Variants in PDE1C observed in about 807,000 individuals in gnomAD.
PDE1C encodes the protein phosphodiesterase 1C.
A neutral mutation model predicts 93.1 loss-of-function variants in PDE1C; 62 were observed. The observed-to-expected ratio is 0.67, with a 90% confidence interval of 0.54 to 0.82. PDE1C has a LOEUF of 0.82. Among genes scored for constraint, PDE1C ranks in the 40% least tolerant of loss-of-function variants. PDE1C has a pLI of 0.00. For synonymous variants in PDE1C, 325 were observed against 310.1 expected (o/e 1.05, Z -0.50); for missense variants, 742 against 884.6 (o/e 0.84, Z 2.04).
intron 12 of PDE1C, among the ~76,000 whole-genome samples, chr7:31,825,698 GATAA>G: frequency 5.3e-5 from 8 of 152,242 alleles, no homozygotes; most frequent in African/African-American, 1.9e-4. Context: ...TTAAACAAAA[GATAA>G]AGAAGGCTGG....
chr7:32,399,600 T>TTTC (rs61586617), intron 1 of PDE1C, among the ~76,000 whole-genome samples: 1 of 150,306 alleles, frequency 6.7e-6, no homozygotes, highest in Non-Finnish European at 1.5e-5. Flanking sequence ...TTTTTTTTTT[T>TTTC]GAGACAGAGT....
At chr7:32,420,118 TATATATAC>T (rs1785368779) in intron 1 of PDE1C, among the ~76,000 whole-genome samples, 1 of 24,184 alleles carries the variant, frequency 4.1e-5, no homozygotes, top group Admixed American at 8.6e-4. Flanking sequence ...TATATATATA[TATATATAC>T]ACACACACAC....
At chr7:32,365,312 C>T (rs747476111) in intron 1 of PDE1C, among the ~76,000 whole-genome samples, 17 of 152,178 alleles carry the variant, frequency 1.1e-4, no homozygotes, top group Admixed American at 9.2e-4. Flanking sequence ...TGAGTAGCAG[C>T]CCTGTAGGCC....
In PDE1C at chr7:31,837,909, T is replaced by C. The variant is rs1397576095; in HGVS notation, c.1043A>G (p.Gln348Arg). ...CAGAGCAGTCTTCATTGCTTTGATT[T>C]GTTGGAAGTGACAAGACATATCTGT... ...MATDMSCHFQ[Q>R]IKAMKTALQQ... The change falls in exon 10 of 18, where the codon CAA becomes CGA. Residue 348 changes from glutamine (Q) to arginine (R), a missense_variant. Around this residue, in one of 4 missense-constraint regions of PDE1C, gnomAD observed 454 missense variants for 459.4 expected, o/e 0.99. Coordinates refer to ENST00000396191, the MANE Select transcript of PDE1C (RefSeq NM_001191057.4). 6.2e-7 allele frequency: 1 copy of C among 1,613,910 alleles called. No individual in the cohort carries two copies. Among genetic ancestry groups the C allele is most frequent in the South Asian group, 1.1e-5 (1 of 91,082 alleles).
the PDE1C span, among the ~76,000 whole-genome samples, chr7:31,625,723 G>A: frequency 1.3e-5 from 2 of 151,862 alleles, no homozygotes; most frequent in South Asian, 4.2e-4. Context: ...GTATACATAT[G>A]TACCTAACCT....
chr7:32,112,788 A>G (rs1798716155), intron 3 of PDE1C, among the ~76,000 whole-genome samples: 1 of 144,728 alleles, frequency 6.9e-6, no homozygotes, highest in Non-Finnish European at 1.5e-5. Context: ...TACATATAAA[A>G]CATATATATA....
upstream of PDE1C, chr7:32,070,423 A>G (rs1370654177): frequency 3.7e-6 from 6 of 1,613,418 alleles, no homozygotes; most frequent in South Asian, 6.6e-5. Context: ...CTGGCGGTGA[A>G]GCTGAGATAG....
At chr7:32,407,050 C>T (rs867951803) in intron 1 of PDE1C, among the ~76,000 whole-genome samples, 20 of 152,226 alleles carry the variant, frequency 1.3e-4, no homozygotes, top group African/African-American at 4.1e-4. Context: ...CCAAGGTGGG[C>T]GAATCACGAG....
chr7:32,099,848 G>A (rs1268651401), intron 3 of PDE1C, among the ~76,000 whole-genome samples: 2 of 152,090 alleles, frequency 1.3e-5, no homozygotes, highest in South Asian at 2.1e-4. Flanking sequence ...CCATTCCTCT[G>A]CTTTACTCTG....
At chr7:32,254,785 G>A (rs1415639101) in intron 1 of PDE1C, among the ~76,000 whole-genome samples, 2 of 152,004 alleles carry the variant, frequency 1.3e-5, no homozygotes, top group Non-Finnish European at 2.9e-5. Context: ...CTACCAAGGA[G>A]TTATACTCCA....
intron 3 of PDE1C, among the ~76,000 whole-genome samples, chr7:32,090,488 C>T (rs1797412487): frequency 6.6e-6 from 1 of 152,158 alleles, no homozygotes; most frequent in Admixed American, 6.6e-5. Flanking sequence ...GAAGCAGGGG[C>T]CTCAGCACCA....
At chr7:32,266,140 G>A (rs889143089) in intron 1 of PDE1C, among the ~76,000 whole-genome samples, 1 of 152,004 alleles carries the variant, frequency 6.6e-6, no homozygotes, top group African/African-American at 2.4e-5. Context: ...AAATTAGCTG[G>A]GTGTGGTGGC....
chr7:32,160,766 C>T (rs932634656), intron 3 of PDE1C, among the ~76,000 whole-genome samples: 2 of 151,412 alleles, frequency 1.3e-5, no homozygotes, highest in African/African-American at 4.9e-5. Context: ...GCTGAGATCA[C>T]ACCACAGCAC....
chr7:32,070,522 T>C (rs1795918759), upstream of PDE1C: 1 of 1,499,618 alleles, frequency 6.7e-7, no homozygotes, highest in Non-Finnish European at 8.9e-7. Context: ...CTCGGCGCGC[T>C]CCCCCTTCTG....
intron 3 of PDE1C, among the ~76,000 whole-genome samples, chr7:32,086,551 A>G (rs1240835863): frequency 6.6e-6 from 1 of 152,038 alleles, no homozygotes; most frequent in Non-Finnish European, 1.5e-5. Flanking sequence ...CGCCAAGTCA[A>G]TCCTAAGCCA....
chr7:31,956,130 G>A (rs1808099684), intron 2 of PDE1C, among the ~76,000 whole-genome samples: 1 of 151,910 alleles, frequency 6.6e-6, no homozygotes, highest in Non-Finnish European at 1.5e-5. Flanking sequence ...TTGAGACAGA[G>A]TCGCCCAGGC....
chr7:32,251,230 C>G (rs6955339), intron 1 of PDE1C, among the ~76,000 whole-genome samples: 84,636 of 151,886 alleles, frequency 0.56, 25,230 homozygotes, highest in Admixed American at 0.67. Flanking sequence ...GGGGTGTCCA[C>G]AGTCCAGGCA....
the PDE1C span, among the ~76,000 whole-genome samples, chr7:31,638,248 C>T: frequency 6.6e-6 from 1 of 152,150 alleles, no homozygotes; most frequent in South Asian, 2.1e-4. Flanking sequence ...ATGGATTGAA[C>T]TAATTATAAC....
chr7:32,246,525 T>A (rs1379700318), intron 1 of PDE1C, among the ~76,000 whole-genome samples: 1 of 152,142 alleles, frequency 6.6e-6, no homozygotes, highest in East Asian at 1.9e-4. Flanking sequence ...GTATTTGGAA[T>A]CTTCTTAGAA....
Sources: allele counts gnomAD v4.1 joint callset (sites outside exome capture counted in the v4.1 genomes callset), GRCh38; gene constraint gnomAD v4.1.1; regional missense constraint gnomAD v4.1.1; transcripts MANE v1.5; gene names NCBI Gene and HGNC (gene_info 2026-07-23, HGNC 2026-07-21).